The following RIN2 variants were observed in gnomAD, a reference collection of about 807,000 sequenced individuals.
RIN2 encodes the protein Ras and Rab interactor 2, also known as RAB5 interacting protein 2.
RIN2 carries 36 observed loss-of-function variants against 78.0 expected under a neutral mutation model. The ratio of observed to expected loss-of-function variants is 0.46; its 90% confidence interval spans 0.35 to 0.61. The LOEUF (loss-of-function observed/expected upper bound fraction) is 0.61. Among genes scored for constraint, RIN2 ranks in the 20% least tolerant of loss-of-function variants. The pLI, the probability that RIN2 is intolerant of heterozygous loss-of-function variation, is 0.00. For synonymous variants in RIN2, 466 were observed against 466.8 expected (o/e 1.00, Z 0.02); for missense variants, 1,087 against 1,159.7 (o/e 0.94, Z 0.91).
intron 3 of RIN2, among the ~76,000 whole-genome samples, chr20:19,923,760 T>C (rs570216829): frequency 1.3e-5 from 2 of 152,284 alleles, no homozygotes; most frequent in South Asian, 4.1e-4. Flanking sequence ...GATGGCTTAT[T>C]ACCTTTTTTT....
chr20:19,842,904 T>G (rs182357424), intron 2 of RIN2, among the ~76,000 whole-genome samples: 330 of 152,080 alleles, frequency 2.2e-3, no homozygotes, highest in African/African-American at 7.7e-3. Context: ...AGAACATTCA[T>G]GATTCACAGG....
At chr20:19,910,105 G>A (rs6046448) in intron 3 of RIN2, among the ~76,000 whole-genome samples, 1 of 152,164 alleles carries the variant, frequency 6.6e-6, no homozygotes, top group African/African-American at 2.4e-5. Flanking sequence ...GAGAAATTAA[G>A]GAAGTGTTTC....
intron 4 of RIN2, among the ~76,000 whole-genome samples, chr20:19,950,327 C>T (rs2041263051): frequency 6.6e-6 from 1 of 152,132 alleles, no homozygotes; most frequent in Non-Finnish European, 1.5e-5. Flanking sequence ...ATGATAGCAG[C>T]CCTAGACACC....
At chr20:19,949,115 C>T (rs1222382938) in intron 4 of RIN2, among the ~76,000 whole-genome samples, 1 of 152,094 alleles carries the variant, frequency 6.6e-6, no homozygotes, top group African/African-American at 2.4e-5. Flanking sequence ...CTCGTCTCTA[C>T]TAAAAAAAAT....
intron 9 of RIN2, among the ~76,000 whole-genome samples, chr20:19,984,321 C>G (rs2042560658): frequency 6.6e-6 from 1 of 152,152 alleles, no homozygotes. Flanking sequence ...TACTACATAC[C>G]TAGGCTATAT....
intron 1 of RIN2, among the ~76,000 whole-genome samples, chr20:19,789,709 TC>T (rs1362843753): frequency 1.3e-5 from 2 of 152,228 alleles, no homozygotes; most frequent in Non-Finnish European, 2.9e-5. Context: ...ATTGCCTGGT[TC>T]CCTGCCATGT....
At chr20:19,823,129 G>A (rs189259158) in intron 2 of RIN2, among the ~76,000 whole-genome samples, 242 of 152,246 alleles carry the variant, frequency 1.6e-3, no homozygotes, top group African/African-American at 5.7e-3. Flanking sequence ...TCAAAGTCAC[G>A]CCTTTAGTGA....
intron 1 of RIN2, among the ~76,000 whole-genome samples, chr20:19,763,854 C>T (rs2033754781): frequency 6.6e-6 from 1 of 152,250 alleles, no homozygotes; most frequent in South Asian, 2.1e-4. Flanking sequence ...ATTTAAAAGA[C>T]GTTGCTGGAC....
At chr20:19,831,122 C>A (rs549113473) in intron 2 of RIN2, among the ~76,000 whole-genome samples, 20 of 152,308 alleles carry the variant, frequency 1.3e-4, no homozygotes, top group African/African-American at 4.8e-4. Flanking sequence ...CCCAGCATGC[C>A]ACACTCCGGG....
intron 6 of RIN2, among the ~76,000 whole-genome samples, chr20:19,961,408 G>A (rs1381265274): frequency 7.2e-5 from 11 of 152,080 alleles, no homozygotes; most frequent in Admixed American, 3.3e-4. Flanking sequence ...GTGAAGTGTC[G>A]GGAGGCCAAA....
chr20:19,914,463 A>G (rs779098118), intron 3 of RIN2, among the ~76,000 whole-genome samples: 1 of 152,208 alleles, frequency 6.6e-6, no homozygotes, highest in Non-Finnish European at 1.5e-5. Flanking sequence ...CATTGCATCA[A>G]AAAAATTTGC....
At chr20:19,961,833 A>T (rs562639609) in intron 6 of RIN2, among the ~76,000 whole-genome samples, 3 of 152,266 alleles carry the variant, frequency 2.0e-5, no homozygotes, top group Admixed American at 2.0e-4. Context: ...AAAGGCGCAC[A>T]AGCAGGCGGA....
At chr20:19,894,123 C>A (rs979191943) in intron 3 of RIN2, among the ~76,000 whole-genome samples, 13 of 152,104 alleles carry the variant, frequency 8.5e-5, no homozygotes, top group African/African-American at 3.1e-4. Flanking sequence ...AGGGGTAACA[C>A]CCTACACATG....
At chr20:19,945,205 A>G (rs934893810) in intron 4 of RIN2, among the ~76,000 whole-genome samples, 1 of 152,198 alleles carries the variant, frequency 6.6e-6, no homozygotes, top group Non-Finnish European at 1.5e-5. Flanking sequence ...TTCAAGTCTG[A>G]CTTGGAGTCC....
intron 1 of RIN2, among the ~76,000 whole-genome samples, chr20:19,776,076 C>T (rs1232174788): frequency 6.8e-6 from 1 of 146,952 alleles, no homozygotes; most frequent in Non-Finnish European, 1.5e-5. Context: ...GGTATGTAAA[C>T]CAAAAATAAA....
intron 12 of RIN2, among the ~76,000 whole-genome samples, chr20:19,999,254 A>G (rs2043066602): frequency 6.6e-6 from 1 of 152,094 alleles, no homozygotes; most frequent in African/African-American, 2.4e-5. Context: ...CTAGTCAAAC[A>G]GGGATTATGT....
intron 2 of RIN2, among the ~76,000 whole-genome samples, chr20:19,816,894 C>T (rs762381052): frequency 1.3e-5 from 2 of 152,098 alleles, no homozygotes; most frequent in African/African-American, 4.8e-5. Context: ...AAAAACAAGA[C>T]AATATTAAGT....
intron 2 of RIN2, among the ~76,000 whole-genome samples, chr20:19,881,260 G>A (rs758718484): frequency 2.6e-5 from 4 of 152,298 alleles, no homozygotes; most frequent in Admixed American, 1.3e-4. Context: ...AACCAGCCAT[G>A]ATGGGAGTAT....
intron 2 of RIN2, among the ~76,000 whole-genome samples, chr20:19,861,353 C>T (rs2037327051): frequency 6.6e-6 from 1 of 152,228 alleles, no homozygotes; most frequent in Non-Finnish European, 1.5e-5. Context: ...CACCACAGCC[C>T]TTCCCCTTGA....
Sources: allele counts gnomAD v4.1 joint callset (sites outside exome capture counted in the v4.1 genomes callset), GRCh38; gene constraint gnomAD v4.1.1; transcripts MANE v1.5; gene names NCBI Gene and HGNC (gene_info 2026-07-23, HGNC 2026-07-21).